The following SND1 variants were observed in gnomAD, a reference collection of about 807,000 sequenced individuals.
SND1 encodes staphylococcal nuclease domain-containing protein 1.
In SND1, 38 loss-of-function variants were observed where a neutral mutation model predicts 121.7. The ratio of observed to expected loss-of-function variants is 0.31; its 90% CI spans 0.24 to 0.41. SND1 has a LOEUF of 0.41. SND1 is among the 10% of genes least tolerant of loss of function. SND1 has a pLI of 1.00. For missense variants in SND1, 868 were observed against 1,184.6 expected, an observed-to-expected ratio of 0.73 and a Z score of 3.92; for synonymous variants, 401 against 447.4, an observed-to-expected ratio of 0.90 and a Z score of 1.31.
intron 10 of SND1, among the ~76,000 whole-genome samples, chr7:127,766,742 A>T (rs1222050372): frequency 8.5e-6 from 1 of 117,522 alleles, no homozygotes; most frequent in Non-Finnish European, 1.6e-5. Context: ...ACTGCACTCC[A>T]GCCTGGGTGA....
At chr7:127,932,686 C>T (rs957665343) in intron 15 of SND1, among the ~76,000 whole-genome samples, 3 of 137,514 alleles carry the variant, frequency 2.2e-5, no homozygotes, top group Non-Finnish European at 3.3e-5. Context: ...TTGCCACAGC[C>T]ACCACCTCCA....
intron 9 of SND1, among the ~76,000 whole-genome samples, chr7:127,713,467 G>A (rs1796331337): frequency 6.6e-6 from 1 of 152,194 alleles, no homozygotes; most frequent in South Asian, 2.1e-4. Flanking sequence ...CCTTCACATA[G>A]TCTGAAAGTC....
chr7:127,828,429 T>A (rs1242321161), intron 11 of SND1, among the ~76,000 whole-genome samples: 11 of 152,118 alleles, frequency 7.2e-5, no homozygotes, highest in African/African-American at 2.7e-4. Flanking sequence ...TTGACCACCC[T>A]CATTTAGAGT....
chr7:127,961,430 T>C (rs1036701232), intron 15 of SND1, among the ~76,000 whole-genome samples: 2 of 152,186 alleles, frequency 1.3e-5, no homozygotes, highest in Non-Finnish European at 2.9e-5. Context: ...AGCTGAAACT[T>C]GAGAACAGAA....
At chr7:128,002,718 A>G (rs563433220) in intron 16 of SND1, among the ~76,000 whole-genome samples, 1 of 152,314 alleles carries the variant, frequency 6.6e-6, no homozygotes, top group Non-Finnish European at 1.5e-5. Flanking sequence ...CAACTTGAAA[A>G]TGAGGGATAC....
chr7:127,905,077 A>G lies in SND1; in HGVS notation c.1527+258A>G, dbSNP rs556655570. On this transcript the variant is annotated intron_variant, in intron 14 of 23. Transcript: ENST00000354725. ...TTGCTTTTTCATTTTTAATTACTGTATTTTGAGTTTGGAAGGTAGTTCTTC... is the reference window on the plus strand; with the variant it reads ...TTGCTTTTTCATTTTTAATTACTGTGTTTTGAGTTTGGAAGGTAGTTCTTC... 3.9e-5 allele frequency among the ~76,000 whole-genome samples: 6 copies of G among 152,208 alleles called. No homozygotes were observed. The South Asian group carries it at 1.0e-3, about 26-fold the overall frequency.
Position 127,807,565 on chromosome 7 carries a change from G to A in SND1, c.1234G>A (p.Gly412Arg). ...GGAATTTCTTCGAAAAAAGCTTATT[G>A]GGAAGAAGGTAAGTAATTGATGACA... ...AREFLRKKLIGKKVNVTVDYI... is the reference protein window; with the variant it reads ...AREFLRKKLIRKKVNVTVDYI... Residue 412 changes from glycine to arginine, a missense_variant, in exon 11 of 24, where the codon GGG (glycine) becomes AGG (arginine). Gly to Arg is a moderately radical substitution (Grantham distance 125, BLOSUM62 -2). Around this residue, in one of 2 missense-constraint regions of SND1, gnomAD observed 743 missense variants for 1,071.3 expected, o/e 0.69. Transcript: ENST00000354725. 6.2e-7 allele frequency: 1 copy of A among 1,612,696 alleles called. No homozygotes were observed. The highest frequency in any genetic ancestry group is 8.5e-7 in the Non-Finnish European group (1 of 1,178,768).
chr7:127,721,744 T>C lies in SND1; in HGVS notation c.1152+344T>C, dbSNP rs117412810. On this transcript the variant is annotated intron_variant, in intron 10 of 23. Transcript: ENST00000354725. ...GTGAATAAGGAGAGGAGAAGGTCTGTATCTCGTGTACATTGTAATAGGACC... is the reference window on the plus strand; with the variant it reads ...GTGAATAAGGAGAGGAGAAGGTCTGCATCTCGTGTACATTGTAATAGGACC... Among the ~76,000 whole-genome samples the C allele has an allele frequency of 3.3e-5, 5 of 152,320 alleles. No individual in the cohort carries two copies. The East Asian group carries it at 5.8e-4, about 18-fold the overall frequency.
rs768782438 is a variant in SND1, at chr7:127,904,822, G to A, written c.1527+3G>A. ...ACCGTGTTGCAGATATATCTGGGGT[G>A]AGTCGAGTCCCTGAATCAAGCTGTG... On this transcript the variant is annotated splice_donor_region_variant and intron_variant, in intron 14 of 23. Transcript: ENST00000354725. 1 of 1,592,174 alleles carries A rather than the reference G, an allele frequency of 6.3e-7. No individual in the cohort carries two copies. Among genetic ancestry groups the A allele is most frequent in the South Asian group, 1.1e-5 (1 of 90,626 alleles).
chr7:128,068,793 G>A (rs1430288670), intron 16 of SND1, among the ~76,000 whole-genome samples: 1 of 152,222 alleles, frequency 6.6e-6, no homozygotes, highest in African/African-American at 2.4e-5. Context: ...GTGTTGCCTG[G>A]GCATGGGGAG....
chr7:127,958,994 A>G (rs1801665733), intron 15 of SND1, among the ~76,000 whole-genome samples: 1 of 152,192 alleles, frequency 6.6e-6, no homozygotes. Flanking sequence ...TAAATTAGCC[A>G]ATTAATAAAA....
At chr7:128,059,513 A>G (rs150341530) in intron 16 of SND1, among the ~76,000 whole-genome samples, 2 of 152,370 alleles carry the variant, frequency 1.3e-5, no homozygotes, top group East Asian at 1.9e-4. Context: ...TGATTTTTAT[A>G]CATGCACGTT....
rs140279695 is a variant in SND1, at chr7:127,839,739, C to T, written c.1243-4585C>T. Among the ~76,000 whole-genome samples, 4 of 152,224 alleles carry T rather than the reference C, an allele frequency of 2.6e-5. No individual in the cohort carries two copies. The East Asian group carries it at 5.8e-4, about 22-fold the overall frequency. Reference sequence around the variant, plus strand: ...CTATAATCTAATAGACGAAGGTTGCCTGCTACCCTCTTACCTTTGAGAACC... The same window carrying T: ...CTATAATCTAATAGACGAAGGTTGCTTGCTACCCTCTTACCTTTGAGAACC... On this transcript the variant is annotated intron_variant, in intron 11 of 23. Transcript: ENST00000354725.
intron 1 of SND1, among the ~76,000 whole-genome samples, chr7:127,680,750 G>A (rs973060242): frequency 3.3e-5 from 5 of 149,760 alleles, no homozygotes; most frequent in East Asian, 1.9e-4. Flanking sequence ...GTTCTGAGGC[G>A]ACATACATCC....
intron 10 of SND1, among the ~76,000 whole-genome samples, chr7:127,723,143 A>AT (rs1414055031): frequency 1.1e-4 from 16 of 152,078 alleles, no homozygotes; most frequent in African/African-American, 3.9e-4. Flanking sequence ...TTTTAGGGGG[A>AT]TGGGGGTGTT....
chr7:127,908,912 G>C (rs1479388486), intron 14 of SND1, among the ~76,000 whole-genome samples: 1 of 152,158 alleles, frequency 6.6e-6, no homozygotes. Flanking sequence ...GCTTACTGTT[G>C]TTCTGGTAGA....
intron 13 of SND1, among the ~76,000 whole-genome samples, chr7:127,888,239 A>G (rs1799947450): frequency 6.6e-6 from 1 of 152,104 alleles, no homozygotes; most frequent in Non-Finnish European, 1.5e-5. Flanking sequence ...TAAAATAGGT[A>G]TATATTAGAT....
chr7:127,999,531 T>C (rs1030560783), intron 16 of SND1: 3 of 152,134 alleles, frequency 2.0e-5, no homozygotes, highest in Non-Finnish European at 1.5e-5. Context: ...CTAACCCAGC[T>C]CAGCCCAGAG....
rs147921130 is a variant in SND1, at chr7:127,684,594, CTTTG to C, written c.79-2014_79-2011del. ...CTCTAGTATACCTGTTCTTTCCTGGCTTTGTTTGGTTTGAGAGCTTATCTTTTGG... is the reference window on the plus strand; with the variant it reads ...CTCTAGTATACCTGTTCTTTCCTGGCTTTGGTTTGAGAGCTTATCTTTTGG... On this transcript the variant is annotated intron_variant, in intron 1 of 23. Transcript: ENST00000354725. 5.9e-3 allele frequency among the ~76,000 whole-genome samples: 904 copies of C among 152,284 alleles called. 10 individuals are homozygous for C. Among genetic ancestry groups the C allele is most frequent in the African/African-American group, 0.021 (858 of 41,542 alleles).
Sources: allele counts gnomAD v4.1 joint callset (sites outside exome capture counted in the v4.1 genomes callset), GRCh38; gene constraint gnomAD v4.1.1; regional missense constraint gnomAD v4.1.1; transcripts MANE v1.5; gene names NCBI Gene and HGNC (gene_info 2026-07-23, HGNC 2026-07-21).